The following FBXL7 variants were observed in gnomAD, a reference collection of about 807,000 sequenced individuals.
The protein encoded by FBXL7 is F-box/LRR-repeat protein 7.
FBXL7 carries 12 observed loss-of-function variants against 38.3 expected under a neutral mutation model. That is an observed-to-expected ratio of 0.31 (90% CI 0.20 to 0.51). The LOEUF (loss-of-function observed/expected upper bound fraction) is 0.51. Ranked by LOEUF, FBXL7 falls within the 20% of genes least tolerant of loss-of-function variation. FBXL7 has a pLI of 0.98. For synonymous variants in FBXL7, 297 were observed against 300.9 expected (o/e 0.99, Z 0.13); for missense variants, 567 against 676.4 (o/e 0.84, Z 1.79).
intron 2 of FBXL7, among the ~76,000 whole-genome samples, chr5:15,688,892 A>G (rs934964101): frequency 6.6e-5 from 10 of 152,250 alleles, no homozygotes; most frequent in Admixed American, 6.5e-5. Context: ...GACAAGGCTC[A>G]GAAAGATCAC....
intron 2 of FBXL7, among the ~76,000 whole-genome samples, chr5:15,750,067 C>T (rs1736116864): frequency 6.6e-6 from 1 of 152,144 alleles, no homozygotes; most frequent in African/African-American, 2.4e-5. Context: ...GATGAGGATT[C>T]TGTTTCGTTT....
intron 2 of FBXL7, among the ~76,000 whole-genome samples, chr5:15,916,574 A>G (rs1741590496): frequency 6.6e-6 from 1 of 152,238 alleles, no homozygotes; most frequent in Non-Finnish European, 1.5e-5. Context: ...GCAGAAAGGA[A>G]AAGCAGAAGA....
chr5:15,562,725 C>T (rs1738448988), intron 1 of FBXL7, among the ~76,000 whole-genome samples: 1 of 151,990 alleles, frequency 6.6e-6, no homozygotes, highest in African/African-American at 2.4e-5. Context: ...TCCCTTTCCC[C>T]TCCTCCTTCC....
At chr5:15,613,518 A>G (rs1435333129) in intron 1 of FBXL7, among the ~76,000 whole-genome samples, 1 of 152,184 alleles carries the variant, frequency 6.6e-6, no homozygotes. Context: ...GACGAAGGGA[A>G]TAACAGATTT....
intron 2 of FBXL7, among the ~76,000 whole-genome samples, chr5:15,663,315 G>T (rs1280164703): frequency 6.6e-6 from 1 of 152,148 alleles, no homozygotes; most frequent in Admixed American, 6.5e-5. Context: ...TGTTGTGGGT[G>T]TATAGGAATG....
At chr5:15,568,022 G>A (rs1738643910) in intron 1 of FBXL7, among the ~76,000 whole-genome samples, 1 of 152,094 alleles carries the variant, frequency 6.6e-6, no homozygotes, top group South Asian at 2.1e-4. Context: ...TTGGTTCCAA[G>A]TCTTTGCTAT....
intron 2 of FBXL7, among the ~76,000 whole-genome samples, chr5:15,744,699 G>A (rs1735971096): frequency 6.6e-6 from 1 of 152,136 alleles, no homozygotes; most frequent in Non-Finnish European, 1.5e-5. Context: ...GCAATTTAGT[G>A]TATTAATCCA....
In FBXL7 at chr5:15,936,873, G is replaced by T. The variant is rs1465105745; in HGVS notation, c.1163G>T (p.Gly388Val). 6.2e-7 allele frequency: 1 copy of T among 1,613,824 alleles called. No individual in the cohort carries two copies. The highest frequency in any genetic ancestry group is 1.3e-5 in the African/African-American group (1 of 74,948). Residue 388 changes from glycine to valine, a missense_variant, in exon 4 of 4, where the codon GGC (glycine) becomes GTC (valine). Gly to Val is a moderately radical substitution (Grantham distance 109, BLOSUM62 -3). Transcript: ENST00000504595. The surrounding 1 kb of genome is among the most constrained non-coding windows in gnomAD (Gnocchi z 6.0). ...TACCTCAACGCGAGGGGCTGCGAGG[G>T]CATCACGGACCACGGTGTGGAGTAC... ...LRYLNARGCE[G>V]ITDHGVEYLA...
chr5:15,866,697 G>T (rs1164844790), intron 2 of FBXL7, among the ~76,000 whole-genome samples: 4 of 125,614 alleles, frequency 3.2e-5, no homozygotes, highest in African/African-American at 1.2e-4. Flanking sequence ...GGCGTGTGTT[G>T]TTCCCCCTCT....
At chr5:15,884,088 T>C (rs868113568) in intron 2 of FBXL7, among the ~76,000 whole-genome samples, 1 of 152,170 alleles carries the variant, frequency 6.6e-6, no homozygotes, top group African/African-American at 2.4e-5. Context: ...AAGATCAAAG[T>C]ACCAGCAAGG....
At chr5:15,571,740 G>A (rs966381476) in intron 1 of FBXL7, among the ~76,000 whole-genome samples, 1 of 152,030 alleles carries the variant, frequency 6.6e-6, no homozygotes, top group African/African-American at 2.4e-5. Flanking sequence ...TTTTGGGTGA[G>A]GTATTGTCAG....
In FBXL7 at chr5:15,937,524, G is replaced by T; in HGVS notation, c.*338G>T. The T allele has an allele frequency of 4.6e-6, 1 of 216,880 alleles. No individual in the cohort carries two copies. The highest frequency in any genetic ancestry group is 5.3e-5 in the Admixed American group (1 of 18,720). The allele number at this position is 216,880 out of a possible 1,614,324, so 13.4% of individuals were successfully genotyped here. On this transcript the variant is annotated 3_prime_UTR_variant, in exon 4 of 4. Transcript: ENST00000504595. The stretch of plus-strand genomic sequence containing the variant: ...AAGGCCGCCCTTTCCCTCGCACACA[G>T]GCCCCACCCCCACAGTTCCACGCCC...
intron 1 of FBXL7, 31 bp from the exon 2 acceptor site, chr5:15,615,952 C>CCGAGTGG: frequency 1.3e-6 from 2 of 1,536,234 alleles, no homozygotes; most frequent in Non-Finnish European, 1.8e-6. Context: ...AATTACAAAT[C>CCGAGTGG]TCAAAAGCTG....
Position 15,726,242 on chromosome 5 carries a change from T to G in FBXL7, c.127+110170T>G, listed in dbSNP as rs1024042398. Among the ~76,000 whole-genome samples the G allele has an allele frequency of 2.0e-5, 3 of 152,164 alleles. No homozygotes were observed. In the East Asian group the frequency reaches 5.8e-4, roughly 29 times the overall value. ...CATAGCTTTCTCACTTTCAATCTGT[T>G]TATATTTTTGGATCTAAAATAAGTT... is the stretch of plus-strand genomic sequence containing the variant. On this transcript the variant is annotated intron_variant, in intron 2 of 3. Transcript: ENST00000504595.
intron 2 of FBXL7, among the ~76,000 whole-genome samples, chr5:15,737,967 C>A (rs1288798790): frequency 6.6e-6 from 1 of 152,164 alleles, no homozygotes; most frequent in Non-Finnish European, 1.5e-5. Context: ...GCAAGTTTCC[C>A]TTTTTGTAAA....
chr5:15,878,088 A>C (rs763021527), intron 2 of FBXL7, among the ~76,000 whole-genome samples: 6 of 152,192 alleles, frequency 3.9e-5, no homozygotes, highest in Non-Finnish European at 8.8e-5. Context: ...CTGCACTATG[A>C]GGACAACGTG....
intron 2 of FBXL7, among the ~76,000 whole-genome samples, chr5:15,827,321 A>G (rs1738343325): frequency 6.6e-6 from 1 of 152,110 alleles, no homozygotes; most frequent in Non-Finnish European, 1.5e-5. Context: ...TGGGAAGTGC[A>G]TAATAAATGA....
At chr5:15,581,840 T>G (rs1739151480) in intron 1 of FBXL7, among the ~76,000 whole-genome samples, 1 of 152,062 alleles carries the variant, frequency 6.6e-6, no homozygotes, top group Non-Finnish European at 1.5e-5. Context: ...GCAAGCTAGT[T>G]TCTGTCAGAT....
chr5:15,665,226 C>G (rs959742393), intron 2 of FBXL7, among the ~76,000 whole-genome samples: 6 of 152,128 alleles, frequency 3.9e-5, no homozygotes, highest in African/African-American at 1.2e-4. Context: ...TCCATACCCC[C>G]CAATTTTTAC....
Sources: gnomAD v4.1 joint callset for allele counts (sites outside exome capture counted in the v4.1 genomes callset) on GRCh38, gnomAD v4.1.1 for gene constraint, Gnocchi (gnomAD v3.1) non-coding constraint, MANE v1.5 for transcripts, NCBI Gene and HGNC (gene_info 2026-07-23, HGNC 2026-07-21) for gene names.